NEDD4: variants seen among roughly 807,000 people sequenced by gnomAD.
NEDD4 encodes the protein NEDD4 E3 ubiquitin protein ligase, also known as E3 ubiquitin-protein ligase NEDD4.
NEDD4 carries 99 observed loss-of-function variants against 144.9 expected under a neutral mutation model. The ratio of observed to expected loss-of-function variants is 0.68; its 90% CI spans 0.58 to 0.81. The LOEUF (loss-of-function observed/expected upper bound fraction) is 0.81. NEDD4 is among the 30% of genes least tolerant of loss of function. NEDD4 has a pLI of 0.00. For synonymous variants in NEDD4, 318 were observed against 350.6 expected, an observed-to-expected ratio of 0.91 and a Z score of 1.04; for missense variants, 985 against 1,065.9, an observed-to-expected ratio of 0.92 and a Z score of 1.06.
intron 1 of NEDD4, among the ~76,000 whole-genome samples, chr15:55,988,837 G>A (rs2037941510): frequency 6.6e-6 from 1 of 152,164 alleles, no homozygotes; most frequent in Admixed American, 6.5e-5. Flanking sequence ...GCAAAAAAAG[G>A]TGATGGAACA....
chr15:55,947,418 A>G (rs2037138401), intron 4 of NEDD4, among the ~76,000 whole-genome samples: 1 of 152,254 alleles, frequency 6.6e-6, no homozygotes, highest in African/African-American at 2.4e-5. Flanking sequence ...AAGCTAGAAG[A>G]AATGGATAAA....
intron 8 of NEDD4, among the ~76,000 whole-genome samples, chr15:55,867,855 A>G (rs541657116): frequency 6.6e-6 from 1 of 152,336 alleles, no homozygotes; most frequent in South Asian, 2.1e-4. Flanking sequence ...CAGGAGTTCA[A>G]GACCAGCCTG....
intron 5 of NEDD4, among the ~76,000 whole-genome samples, chr15:55,880,000 A>C (rs1445701344): frequency 6.6e-6 from 1 of 152,174 alleles, no homozygotes; most frequent in Non-Finnish European, 1.5e-5. Flanking sequence ...ATTAAAAATA[A>C]AAGGGCTGGC....
chr15:55,944,983 T>C (rs2037082106), intron 4 of NEDD4, among the ~76,000 whole-genome samples: 1 of 151,820 alleles, frequency 6.6e-6, no homozygotes, highest in Admixed American at 6.6e-5. Context: ...AAAAAGGACA[T>C]ACACACCAAA....
chr15:55,984,037 A>G (rs377106860), intron 1 of NEDD4, among the ~76,000 whole-genome samples: 2 of 152,154 alleles, frequency 1.3e-5, no homozygotes, highest in Non-Finnish European at 1.5e-5. Flanking sequence ...ATTCTATATC[A>G]TTATACCTCA....
chr15:55,908,793 T>A (rs1261095151), intron 5 of NEDD4, among the ~76,000 whole-genome samples: 1 of 152,160 alleles, frequency 6.6e-6, no homozygotes, highest in Non-Finnish European at 1.5e-5. Context: ...TAGTCCCAGC[T>A]ACACAGGAAG....
intron 5 of NEDD4, among the ~76,000 whole-genome samples, chr15:55,906,811 T>G (rs1159103625): frequency 6.6e-6 from 1 of 152,046 alleles, no homozygotes; most frequent in Non-Finnish European, 1.5e-5. Context: ...AAATAAAATT[T>G]TAGGCTGGGC....
chr15:55,924,416 A>G, intron 5 of NEDD4: 1 of 487,744 alleles, frequency 2.1e-6, no homozygotes, highest in Non-Finnish European at 3.7e-6. Flanking sequence ...CTTGAGTAAG[A>G]CCTTATAATA....
At chr15:55,833,350 G>A (rs879371135) in intron 26 of NEDD4, among the ~76,000 whole-genome samples, 2 of 152,204 alleles carry the variant, frequency 1.3e-5, no homozygotes, top group Middle Eastern at 3.4e-3. Flanking sequence ...CTCTTGAGAT[G>A]TGACTCATGA....
chr15:55,890,291 A>T (rs1206282606), intron 5 of NEDD4, among the ~76,000 whole-genome samples: 1 of 152,168 alleles, frequency 6.6e-6, no homozygotes, highest in East Asian at 1.9e-4. Flanking sequence ...ACCATTAGAC[A>T]ATCAATTTTA....
chr15:55,871,548 A>T (rs1482599891), intron 7 of NEDD4, among the ~76,000 whole-genome samples: 4 of 152,216 alleles, frequency 2.6e-5, no homozygotes, highest in African/African-American at 7.2e-5. Flanking sequence ...TAAAATTAAA[A>T]GACTAAAAGA....
intron 5 of NEDD4, among the ~76,000 whole-genome samples, chr15:55,906,700 G>A (rs1304754253): frequency 6.6e-6 from 1 of 152,114 alleles, no homozygotes; most frequent in African/African-American, 2.4e-5. Context: ...GTTAATGGGT[G>A]CAGCACACCA....
intron 9 of NEDD4, 68 bp from the exon 10 acceptor site, chr15:55,860,846 TG>T (rs2034377357): frequency 1.4e-6 from 2 of 1,386,628 alleles, no homozygotes; most frequent in Admixed American, 4.1e-5. Context: ...AAAGATTCTG[TG>T]ATCATTGGGA....
At chr15:55,938,968 G>A (rs544713096) in intron 4 of NEDD4, among the ~76,000 whole-genome samples, 1 of 152,168 alleles carries the variant, frequency 6.6e-6, no homozygotes, top group African/African-American at 2.4e-5. Flanking sequence ...ATGGTGGTGC[G>A]TGATGGTGTG....
intron 4 of NEDD4, among the ~76,000 whole-genome samples, chr15:55,943,934 C>T (rs1194645094): frequency 5.9e-5 from 9 of 152,352 alleles, no homozygotes; most frequent in South Asian, 4.1e-4. Flanking sequence ...CAAGGCCTTT[C>T]GGAACCCACC....
At chr15:55,832,881 CA>C in intron 27 of NEDD4, 126 bp downstream of exon 27, 1 of 646,510 alleles carries the variant, frequency 1.5e-6, no homozygotes, top group South Asian at 2.2e-5. Flanking sequence ...GTATCACTTT[CA>C]AAATCTTAAT....
At chr15:55,962,711 C>T (rs12440476) in intron 2 of NEDD4, among the ~76,000 whole-genome samples, 20,455 of 151,250 alleles carry the variant, frequency 0.14, 1,494 homozygotes, top group East Asian at 0.32. Context: ...CCCAAAGTGT[C>T]GGGATTACAA....
At chr15:55,993,119 G>A (rs1222761629) in intron 1 of NEDD4, among the ~76,000 whole-genome samples, 1 of 152,252 alleles carries the variant, frequency 6.6e-6, no homozygotes, top group Non-Finnish European at 1.5e-5. Context: ...AATCAACAGC[G>A]GGGATGCTGC....
At chr15:55,909,982 TTTCC>T (rs780052584) in intron 5 of NEDD4, among the ~76,000 whole-genome samples, 2 of 150,548 alleles carry the variant, frequency 1.3e-5, no homozygotes, top group Admixed American at 6.7e-5. Flanking sequence ...TAATTTTCTG[TTTCC>T]TTCATTTGAT....
Sources: allele counts gnomAD v4.1 joint callset (sites outside exome capture counted in the v4.1 genomes callset), GRCh38; gene constraint gnomAD v4.1.1; transcripts MANE v1.5; gene names NCBI Gene and HGNC (gene_info 2026-07-23, HGNC 2026-07-21).